Variants in HAPLN1 observed in about 807,000 individuals in gnomAD.
The protein encoded by HAPLN1 is hyaluronan and proteoglycan link protein 1.
HAPLN1 carries 13 observed loss-of-function variants against 36.5 expected under a neutral mutation model. That is an observed-to-expected ratio of 0.36 (90% CI 0.23 to 0.57). HAPLN1 has a LOEUF of 0.57. Among genes scored for constraint, HAPLN1 ranks in the 20% least tolerant of loss-of-function variants. The pLI is 0.83. For synonymous variants in HAPLN1, 202 were observed against 169.8 expected, an observed-to-expected ratio of 1.19 and a Z score of -1.48; for missense variants, 407 against 439.7, an observed-to-expected ratio of 0.93 and a Z score of 0.66.
At chr5:83,686,930 T>C (rs1045213259) in intron 1 of HAPLN1, among the ~76,000 whole-genome samples, 4 of 152,188 alleles carry the variant, frequency 2.6e-5, no homozygotes, top group African/African-American at 9.7e-5. Flanking sequence ...GGAAAGAATT[T>C]TTATTCTGTA....
chr5:83,666,909 G>A (rs1272367545), intron 2 of HAPLN1, among the ~76,000 whole-genome samples: 1 of 152,062 alleles, frequency 6.6e-6, no homozygotes, highest in Non-Finnish European at 1.5e-5. Context: ...TTTCTCAAAA[G>A]GACACACAAA....
intron 2 of HAPLN1, among the ~76,000 whole-genome samples, chr5:83,653,228 C>T (rs62362929): frequency 8.6e-4 from 131 of 152,102 alleles, no homozygotes; most frequent in Non-Finnish European, 1.4e-3. Context: ...TAAACCCAAA[C>T]ATTTCAAGGT....
intron 1 of HAPLN1, among the ~76,000 whole-genome samples, chr5:83,694,921 C>T (rs7723240): frequency 0.27 from 41,424 of 151,864 alleles, 6,151 homozygotes; most frequent in Non-Finnish European, 0.34. Context: ...TTCTATGAGG[C>T]TAGCATTATT....
At chr5:83,695,250 C>G (rs1486649515) in intron 1 of HAPLN1, among the ~76,000 whole-genome samples, 1 of 152,016 alleles carries the variant, frequency 6.6e-6, no homozygotes, top group Non-Finnish European at 1.5e-5. Context: ...CTCAGCCTCC[C>G]GAGTAGCTGG....
chr5:83,659,350 T>G (rs1750316027), intron 2 of HAPLN1, among the ~76,000 whole-genome samples: 2 of 152,112 alleles, frequency 1.3e-5, no homozygotes, highest in African/African-American at 4.8e-5. Context: ...GACCTGAAGA[T>G]ACAAAGGAGT....
intron 1 of HAPLN1, among the ~76,000 whole-genome samples, chr5:83,682,742 A>G (rs1751036400): frequency 6.6e-6 from 1 of 152,240 alleles, no homozygotes; most frequent in Admixed American, 6.5e-5. Context: ...CAATTAATTT[A>G]GCAAATATTG....
chr5:83,702,415 G>T (rs902203472), intron 1 of HAPLN1, among the ~76,000 whole-genome samples: 7 of 152,082 alleles, frequency 4.6e-5, no homozygotes, highest in East Asian at 1.9e-4. Flanking sequence ...CCAGAATTTT[G>T]TCTTGTTAGC....
chr5:83,644,739 G>C, intron 3 of HAPLN1, 74 bp from the exon 4 acceptor site: 2 of 1,132,768 alleles, frequency 1.8e-6, no homozygotes, highest in South Asian at 3.0e-5. Flanking sequence ...CACCTAGTTG[G>C]TGAAAAACCT....
intron 1 of HAPLN1, among the ~76,000 whole-genome samples, chr5:83,717,246 T>G (rs1297359074): frequency 1.3e-5 from 2 of 152,194 alleles, no homozygotes; most frequent in African/African-American, 4.8e-5. Context: ...ATCTGCTTTA[T>G]TTTATATAAT....
chr5:83,639,664 C>T lies in HAPLN1; in HGVS notation c.*1832G>A, dbSNP rs574358756. The T allele has an allele frequency of 6.6e-6, 1 of 152,112 alleles. No homozygotes were observed. Among genetic ancestry groups the T allele is most frequent in the South Asian group, 2.1e-4 (1 of 4,820 alleles). 9.4% of individuals were successfully genotyped at this position (152,112 alleles called of 1,614,324 possible). A position where few individuals can be genotyped will look rare whatever the true frequency, so the allele number is the denominator to read the frequency against. On this transcript the variant is annotated 3_prime_UTR_variant, in exon 5 of 5. Transcript: ENST00000274341. ...AGGTATCTTCCTTAATTTAGAAGTG[C>T]AAGTTCTATTTATACCACCAGTGTT...
chr5:83,715,338 C>T (rs1203610253), intron 1 of HAPLN1, among the ~76,000 whole-genome samples: 1 of 152,078 alleles, frequency 6.6e-6, no homozygotes, highest in East Asian at 1.9e-4. Context: ...CTATCAGATC[C>T]TCTGGGATGC....
chr5:83,679,666 A>G (rs1255843768), intron 1 of HAPLN1, among the ~76,000 whole-genome samples: 1 of 152,140 alleles, frequency 6.6e-6, no homozygotes, highest in Non-Finnish European at 1.5e-5. Context: ...TTACAACTAT[A>G]CTAGGAAAAC....
intron 1 of HAPLN1, among the ~76,000 whole-genome samples, chr5:83,695,282 C>T (rs1334226916): frequency 2.6e-5 from 4 of 151,984 alleles, no homozygotes; most frequent in African/African-American, 7.2e-5. Flanking sequence ...CATGCCACCA[C>T]GCCCAGCTAA....
At chr5:83,654,584 A>C (rs115386901) in intron 2 of HAPLN1, among the ~76,000 whole-genome samples, 1,697 of 152,302 alleles carry the variant, frequency 0.011, 34 homozygotes, top group African/African-American at 0.038. Flanking sequence ...ACATTTCCTC[A>C]CCAGTATCTT....
chr5:83,652,954 T>C, intron 2 of HAPLN1, 130 bp from the exon 3 acceptor site: 2 of 887,504 alleles, frequency 2.3e-6, no homozygotes, highest in Non-Finnish European at 1.7e-6. Flanking sequence ...CTTCTCTACG[T>C]AATCTCTTTT....
intron 1 of HAPLN1, among the ~76,000 whole-genome samples, chr5:83,691,732 G>A (rs749412047): frequency 3.3e-5 from 5 of 151,836 alleles, no homozygotes; most frequent in Non-Finnish European, 5.9e-5. Flanking sequence ...TTACAAAGAA[G>A]CAGGGCATAC....
chr5:83,648,425 AT>A (rs1749944761), intron 3 of HAPLN1, among the ~76,000 whole-genome samples: 1 of 115,066 alleles, frequency 8.7e-6, no homozygotes, highest in African/African-American at 3.3e-5. Context: ...ATATATATAT[AT>A]ATATATATAT....
At chr5:83,713,060 T>A (rs1281411640) in intron 1 of HAPLN1, among the ~76,000 whole-genome samples, 1 of 152,180 alleles carries the variant, frequency 6.6e-6, no homozygotes, top group African/African-American at 2.4e-5. Context: ...CTAAACAACA[T>A]GGGCTATGGT....
chr5:83,671,639 T>C (rs963620733), intron 2 of HAPLN1, among the ~76,000 whole-genome samples: 2 of 152,188 alleles, frequency 1.3e-5, no homozygotes, highest in African/African-American at 4.8e-5. Flanking sequence ...AAATTCAATC[T>C]GAATGCTATC....
Sources: gnomAD v4.1 joint callset for allele counts (sites outside exome capture counted in the v4.1 genomes callset) on GRCh38, gnomAD v4.1.1 for gene constraint, MANE v1.5 for transcripts, NCBI Gene and HGNC (gene_info 2026-07-23, HGNC 2026-07-21) for gene names.